The following GPR37L1 variants were observed in gnomAD, a reference collection of about 807,000 sequenced individuals.
GPR37L1 encodes G protein-coupled receptor 37 like 1, also known as G protein-coupled receptor 37-like 1.
GPR37L1 carries 18 observed loss-of-function variants against 18.0 expected under a neutral mutation model. The observed-to-expected ratio is 1.00, with a 90% CI of 0.69 to 1.49. The LOEUF (loss-of-function observed/expected upper bound fraction) is 1.49. Among genes scored for constraint, GPR37L1 ranks in the 40% most tolerant of loss-of-function variants. GPR37L1 has a pLI of 0.00. For missense variants in GPR37L1, 558 were observed against 615.1 expected (o/e 0.91, Z 0.98); for synonymous variants, 256 against 273.9 (o/e 0.93, Z 0.65).
rs1371139374 is a variant in GPR37L1, at chr1:202,131,255, G to A, written c.*2699G>A. 1.3e-5 allele frequency: 2 copies of A among 152,188 alleles called. No homozygotes were observed. Among genetic ancestry groups the A allele is most frequent in the Middle Eastern group, 3.2e-3 (1 of 316 alleles). The allele number at this position is 152,188 out of a possible 1,614,324, so 9.4% of individuals were successfully genotyped here. On this transcript the variant is annotated 3_prime_UTR_variant, in exon 2 of 2. Transcript: ENST00000367282. ...GGCTGAGGGGAGCCTGAAATCCACT[G>A]GGTCTCCCTGCTCCACTTGGGAGTC... is the stretch of plus-strand genomic sequence containing the variant.
Position 202,128,566 on chromosome 1 carries a change from A to ATTTT in GPR37L1, c.*10_*11insTTTT. 1.3e-6 allele frequency: 1 copy of ATTTT among 781,534 alleles called. No homozygotes were observed. The highest frequency in any genetic ancestry group is 2.0e-6 in the Non-Finnish European group (1 of 500,860). The allele number at this position is 781,534 out of a possible 1,614,324, so 48.4% of individuals were successfully genotyped here. On this transcript the variant is annotated 3_prime_UTR_variant, in exon 2 of 2. Transcript: ENST00000367282. ...GGGCACACCTTGCTGAGGCCCCAGT[A>ATTTT]GGGGTGGGGAGGGAGGGAGAGGCCG...
At chr1:202,123,621 C>CT in intron 1 of GPR37L1, 28 bp downstream of exon 1, 4 of 1,531,430 alleles carry the variant, frequency 2.6e-6, no homozygotes, top group Non-Finnish European at 3.5e-6. Context: ...TTGAGCTCTG[C>CT]TGGGAGGCTG....
At position 202,132,562 on chromosome 1, in the gene GPR37L1, G is replaced by C. The variant is rs1316249101; in HGVS notation, c.*4006G>C. On this transcript the variant is annotated 3_prime_UTR_variant, in exon 2 of 2. Transcript: ENST00000367282. ...ACTCCCAGGACTAAGGGACAGTTTG[G>C]CTCCTTTTTCCTGCAGTGGGAGGGG... 1 of 152,396 alleles carries C rather than the reference G, an allele frequency of 6.6e-6. No individual in the cohort carries two copies. Among genetic ancestry groups the C allele is most frequent in the East Asian group, 1.9e-4 (1 of 5,178 alleles). The allele number at this position is 152,396 out of a possible 1,614,324, so 9.4% of individuals were successfully genotyped here. A position where few individuals can be genotyped will look rare whatever the true frequency, so the allele number is the denominator to read the frequency against.
Position 202,123,533 on chromosome 1 carries a change from C to A in GPR37L1, c.570C>A (p.Asn190Lys), listed in dbSNP as rs368341491. 1.9e-6 allele frequency: 3 copies of A among 1,612,152 alleles called. No homozygotes were observed. The East Asian group carries it at 6.7e-5, about 36-fold the overall frequency. The stretch of plus-strand genomic sequence containing the variant: ...TCTGCCTCCCTATTGTCATCTTCAA[C>A]GAGATCACCAAGCAGAGGCTACTGG... ...LFFCLPIVIF[N>K]EITKQRLLGD... is the part of the protein sequence containing the mutation. Residue 190 changes from asparagine (N) to lysine (K), a missense_variant, in exon 1 of 2, where the codon AAC becomes AAA. Transcript: ENST00000367282.
At position 202,126,595 on chromosome 1, in the gene GPR37L1, GCA is replaced by G. The variant is rs1174638949; in HGVS notation, c.631-1143_631-1142del. 1.6e-3 allele frequency among the ~76,000 whole-genome samples: 237 copies of G among 152,276 alleles called. 7 individuals carry two copies. The highest frequency in any genetic ancestry group is 2.4e-4 in the Non-Finnish European group (16 of 68,020). On this transcript the variant is annotated intron_variant, in intron 1 of 1. Transcript: ENST00000367282. ...GAATTTGGACAGGAGGGGGATCTGA[GCA>G]CAATCCCTGAGTGTGGCTGAGCAGC... is the stretch of plus-strand genomic sequence containing the variant.
In GPR37L1 at chr1:202,133,231, GA is replaced by G. The variant is rs1193366187; in HGVS notation, c.*4676del. On this transcript the variant is annotated 3_prime_UTR_variant, in exon 2 of 2. Coordinates refer to ENST00000367282, the MANE Select transcript of GPR37L1 (RefSeq NM_004767.5). ...GAGAAGGAGGTGGCGCAAGAGCCTG[GA>G]CGCACGTGTGGGAGGCCGTTTTGTG... 1 of 152,306 alleles carries G rather than the reference GA, an allele frequency of 6.6e-6. No individual in the cohort carries two copies. Among genetic ancestry groups the G allele is most frequent in the African/African-American group, 2.4e-5 (1 of 41,466 alleles). The allele number at this position is 152,306 out of a possible 1,614,324, so 9.4% of individuals were successfully genotyped here. A position where few individuals can be genotyped will look rare whatever the true frequency, so the allele number is the denominator to read the frequency against.
chr1:202,127,534 T>C (rs1343103767), intron 1 of GPR37L1, among the ~76,000 whole-genome samples: 2 of 152,180 alleles, frequency 1.3e-5, no homozygotes, highest in East Asian at 1.9e-4. Context: ...CAGGCTGGCC[T>C]TGAACTCCTG....
chr1:202,122,987 T>G lies in GPR37L1; in HGVS notation c.24T>G (p.Ala8=). The G allele has an allele frequency of 1.2e-6, 2 of 1,613,172 alleles. No individual in the cohort carries two copies. Among genetic ancestry groups the G allele is most frequent in the Non-Finnish European group, 1.7e-6 (2 of 1,180,016 alleles). ...CCATGCGGTGGCTGTGGCCCCTGGC[T>G]GTCTCTCTTGCTGTGATTTTGGCTG... MRWLWPL[A]VSLAVILAVG... The change falls in exon 1 of 2, where the codon GCT becomes GCG. Residue 8 remains alanine, a synonymous_variant. Transcript: ENST00000367282.
rs1424317465 is a variant in GPR37L1 at position 202,130,243 on chromosome 1, C to G, written c.*1687C>G. On this transcript the variant is annotated 3_prime_UTR_variant, in exon 2 of 2. Coordinates refer to ENST00000367282, the MANE Select transcript of GPR37L1 (RefSeq NM_004767.5). The stretch of plus-strand genomic sequence containing the variant: ...AGCTCAGCTTTCCTCAGAACCACCC[C>G]CCCTGTCTGAAGCTCTGTCCTGGGT... The G allele has an allele frequency of 6.6e-6, 1 of 152,572 alleles. No homozygotes were observed. The highest frequency in any genetic ancestry group is 2.1e-4 in the South Asian group (1 of 4,840). 9.5% of individuals were successfully genotyped at this position (152,572 alleles called of 1,614,324 possible). A position where few individuals can be genotyped will look rare whatever the true frequency, so the allele number is the denominator to read the frequency against.
chr1:202,126,933 G>A (rs1357153926), intron 1 of GPR37L1, among the ~76,000 whole-genome samples: 2 of 152,074 alleles, frequency 1.3e-5, no homozygotes, highest in East Asian at 1.9e-4. Context: ...GGTGTGGGAA[G>A]TGGAAGGACC....
intron 1 of GPR37L1, among the ~76,000 whole-genome samples, chr1:202,126,074 G>A (rs1654651488): frequency 6.6e-6 from 1 of 152,146 alleles, no homozygotes; most frequent in Admixed American, 6.5e-5. Context: ...GAGCAGGAGA[G>A]GGCAGCTTGG....
chr1:202,132,817 G>T lies in GPR37L1; in HGVS notation c.*4261G>T, dbSNP rs1324455963. The T allele has an allele frequency of 6.5e-6, 1 of 152,672 alleles. No individual in the cohort carries two copies. Among genetic ancestry groups the T allele is most frequent in the Non-Finnish European group, 1.5e-5 (1 of 68,448 alleles). The allele number at this position is 152,672 out of a possible 1,614,324, so 9.5% of individuals were successfully genotyped here. On this transcript the variant is annotated 3_prime_UTR_variant, in exon 2 of 2. Transcript: ENST00000367282. ...TGGGGGACTAGAATCCAGCAGAGGA[G>T]CGAGGGCAGGGCTCCTACCAGGAAA...
rs977952461 is a variant in GPR37L1 at position 202,130,937 on chromosome 1, G to T, written c.*2381G>T. ...CTGGTTGGCCGGCTCAGAGATGAAG[G>T]GGGAGAGATGGTGGCTCCAAGGCTC... On this transcript the variant is annotated 3_prime_UTR_variant, in exon 2 of 2. Transcript: ENST00000367282. 6.6e-6 allele frequency: 1 copy of T among 152,302 alleles called. No individual in the cohort carries two copies. Among genetic ancestry groups the T allele is most frequent in the South Asian group, 2.1e-4 (1 of 4,832 alleles). The allele number at this position is 152,302 out of a possible 1,614,324, so 9.4% of individuals were successfully genotyped here. A position where few individuals can be genotyped will look rare whatever the true frequency, so the allele number is the denominator to read the frequency against.
At position 202,123,185 on chromosome 1, in the gene GPR37L1, T is replaced by G. The variant is rs1361262561; in HGVS notation, c.222T>G (p.Ala74=). The G allele has an allele frequency of 4.3e-6, 7 of 1,613,642 alleles. No homozygotes were observed. The highest frequency in any genetic ancestry group is 1.3e-5 in the African/African-American group (1 of 75,048). Residue 74 remains alanine, a synonymous_variant, in exon 1 of 2, where the codon GCT becomes GCG. Transcript: ENST00000367282. ...WAEYPRPIHP[A]GLQPTKPLVA... Reference sequence around the variant, plus strand: ...AGTACCCCCGGCCCATTCACCCTGCTGGCCTGCAGCCAACCAAGCCCTTGG... The same window carrying G: ...AGTACCCCCGGCCCATTCACCCTGCGGGCCTGCAGCCAACCAAGCCCTTGG...
intron 1 of GPR37L1, 76 bp from the exon 2 acceptor site, chr1:202,127,665 C>G: frequency 9.5e-7 from 1 of 1,056,986 alleles, no homozygotes. Flanking sequence ...CTAACTGAGC[C>G]AGAAGCCAGG....
Position 202,130,240 on chromosome 1 carries a change from C to G in GPR37L1, c.*1684C>G, listed in dbSNP as rs4950828. On this transcript the variant is annotated 3_prime_UTR_variant, in exon 2 of 2. Transcript: ENST00000367282. The stretch of plus-strand genomic sequence containing the variant: ...GGGAGCTCAGCTTTCCTCAGAACCA[C>G]CCCCCCTGTCTGAAGCTCTGTCCTG... The G allele has an allele frequency of 0.06, 8,741 of 145,620 alleles. 677 individuals are homozygous for G. The highest frequency in any genetic ancestry group is 0.35 in the East Asian group (1,781 of 5,152). 9.0% of individuals were successfully genotyped at this position (145,620 alleles called of 1,614,324 possible).
chr1:202,124,720 C>T (rs562161836), intron 1 of GPR37L1, among the ~76,000 whole-genome samples: 6 of 152,286 alleles, frequency 3.9e-5, no homozygotes, highest in African/African-American at 1.2e-4. Flanking sequence ...GACACAGGTC[C>T]TATTCCAAGG....
In GPR37L1 at chr1:202,128,992, T is replaced by C; in HGVS notation, c.*436T>C. The C allele has an allele frequency of 6.6e-6, 1 of 151,578 alleles. No individual in the cohort carries two copies. The highest frequency in any genetic ancestry group is 1.4e-5 in the Non-Finnish European group (1 of 70,354). 9.4% of individuals were successfully genotyped at this position (151,578 alleles called of 1,614,324 possible). On this transcript the variant is annotated 3_prime_UTR_variant, in exon 2 of 2. Coordinates refer to ENST00000367282, the MANE Select transcript of GPR37L1 (RefSeq NM_004767.5). Reference sequence around the variant, plus strand: ...CTCCTTGGGGCCAGCCCAGTGTGGCTCACCACACTCTTCTTTTTTTTTTTT... The same window carrying C: ...CTCCTTGGGGCCAGCCCAGTGTGGCCCACCACACTCTTCTTTTTTTTTTTT...
chr1:202,123,628 G>A lies in GPR37L1; in HGVS notation c.630+35G>A, dbSNP rs369891727. On this transcript the variant is annotated intron_variant, in intron 1 of 1. Coordinates refer to ENST00000367282, the MANE Select transcript of GPR37L1 (RefSeq NM_004767.5). The stretch of plus-strand genomic sequence containing the variant: ...TGTTCTGTTTGAGCTCTGCTGGGAG[G>A]CTGCAATCCAGGGAAGGGACTCAAA... 18 of 1,526,038 alleles carry A rather than the reference G, an allele frequency of 1.2e-5. No individual in the cohort carries two copies. In the African/African-American group the frequency reaches 2.4e-4, roughly 20 times the overall value. The allele number at this position is 1,526,038 out of a possible 1,614,324, so 94.5% of individuals were successfully genotyped here.
Sources: allele counts gnomAD v4.1 joint callset (sites outside exome capture counted in the v4.1 genomes callset), GRCh38; gene constraint gnomAD v4.1.1; transcripts MANE v1.5; gene names NCBI Gene and HGNC (gene_info 2026-07-23, HGNC 2026-07-21).